ZBED6: variants seen among roughly 807,000 people sequenced by gnomAD.
ZBED6 encodes the protein zinc finger BED domain-containing protein 6.
A neutral mutation model predicts 58.4 loss-of-function variants in ZBED6; 40 were observed. The observed-to-expected ratio is 0.68, with a 90% CI of 0.53 to 0.89. The LOEUF (loss-of-function observed/expected upper bound fraction) is 0.89, where lower values mean the gene tolerates loss of function less well. Ranked by LOEUF, ZBED6 falls within the 40% of genes least tolerant of loss-of-function variation. The pLI is 0.00. For synonymous variants in ZBED6, 439 were observed against 350.6 expected (o/e 1.25, Z -2.82); for missense variants, 1,057 against 1,003.9 (o/e 1.05, Z -0.71).
chr1:203,802,129 T>C (rs1670704758), exon 1 of ZBED6: 1 of 152,648 alleles, frequency 6.6e-6, no homozygotes, highest in Non-Finnish European at 1.5e-5. Flanking sequence ...TACAGCTTGC[T>C]GCACCACTCT....
At chr1:203,849,679 A>G (rs1688801837) in intron 13 of ZBED6, 32 bp from the exon 14 acceptor site, 1 of 1,607,846 alleles carries the variant, frequency 6.2e-7, no homozygotes, top group East Asian at 2.2e-5. Context: ...GAGGTACCAG[A>G]TTTTAATTCT....
At chr1:203,800,001 G>A in exon 1 of ZBED6, 1 of 1,536,136 alleles carries the variant, frequency 6.5e-7, no homozygotes, top group Non-Finnish European at 8.7e-7. Flanking sequence ...AGTGGGAGCT[G>A]ATTCATTTAC....
intron 14 of ZBED6, 34 bp from the exon 15 acceptor site, chr1:203,850,481 T>A (rs1558147776): frequency 6.2e-7 from 1 of 1,613,116 alleles, no homozygotes; most frequent in Admixed American, 1.7e-5. Flanking sequence ...GAGTCTATTC[T>A]CACTGCTTAT....
chr1:203,832,414 G>A (rs1392475650), intron 8 of ZBED6, among the ~76,000 whole-genome samples: 2 of 151,566 alleles, frequency 1.3e-5, no homozygotes, highest in Non-Finnish European at 2.9e-5. Context: ...AGGCTAAAGT[G>A]CAATGGTGCG....
intron 8 of ZBED6, among the ~76,000 whole-genome samples, chr1:203,832,843 C>T (rs561485277): frequency 5.3e-5 from 8 of 152,312 alleles, no homozygotes; most frequent in Middle Eastern, 6.8e-3. Flanking sequence ...CAGTTTCATT[C>T]AACATATCAA....
intron 14 of ZBED6, chr1:203,850,249 T>A: frequency 3.1e-6 from 2 of 651,536 alleles, no homozygotes; most frequent in Non-Finnish European, 5.2e-6. Flanking sequence ...TAAAACTTTC[T>A]ATGGTGCATC....
Position 203,837,960 on chromosome 1 carries a change from TTA to T in ZBED6, c.*3574-3_*3574-2del. The T allele has an allele frequency of 6.2e-7, 1 of 1,607,022 alleles. No individual in the cohort carries two copies. Among genetic ancestry groups the T allele is most frequent in the East Asian group, 2.2e-5 (1 of 44,868 alleles). ...AAATCTTAAACTAAGTTCTCCCTCTTTATAGGCGGTGACAGTGATCCTCCATT... is the reference window on the plus strand; with the variant it reads ...AAATCTTAAACTAAGTTCTCCCTCTTTAGGCGGTGACAGTGATCCTCCATT... On this transcript the variant is annotated splice_region_variant and splice_polypyrimidine_tract_variant and intron_variant, in intron 9 of 16. Coordinates refer to ENST00000550078, the Ensembl canonical transcript of ZBED6.
exon 1 of ZBED6, chr1:203,801,123 T>TA (rs1166827055): frequency 6.6e-6 from 1 of 152,160 alleles, no homozygotes; most frequent in African/African-American, 2.4e-5. Flanking sequence ...TAAAATATTA[T>TA]AAAAATAGAT....
At chr1:203,837,910 C>T in intron 9 of ZBED6, 56 bp from the exon 10 acceptor site, 1 of 1,537,300 alleles carries the variant, frequency 6.5e-7, no homozygotes, top group Admixed American at 1.8e-5. Context: ...GTTTGTATTT[C>T]TTGTCCTTGC....
intron 11 of ZBED6, among the ~76,000 whole-genome samples, chr1:203,843,085 A>G (rs1264348274): frequency 2.6e-5 from 4 of 152,218 alleles, no homozygotes; most frequent in Non-Finnish European, 5.9e-5. Context: ...ATAAAAAGGG[A>G]GTCCGATGTT....
At chr1:203,851,632 T>G (rs1307970436) in intron 16 of ZBED6, among the ~76,000 whole-genome samples, 1 of 152,116 alleles carries the variant, frequency 6.6e-6, no homozygotes, top group Non-Finnish European at 1.5e-5. Context: ...GCCCGGCCCC[T>G]GAAAGATGTC....
At chr1:203,850,758 T>C (rs1689065492) in intron 15 of ZBED6, 77 bp downstream of exon 15, 2 of 1,541,966 alleles carry the variant, frequency 1.3e-6, no homozygotes, top group African/African-American at 2.7e-5. Flanking sequence ...CCACTAGCAT[T>C]CTATCTTGAG....
chr1:203,847,827 T>G, intron 12 of ZBED6, 140 bp downstream of exon 12: 1 of 1,262,534 alleles, frequency 7.9e-7, no homozygotes, highest in South Asian at 1.5e-5. Context: ...ATGAAGTTTT[T>G]CAGTAGTGCT....
At chr1:203,802,100 A>G (rs1307984295) in exon 1 of ZBED6, 4 of 152,636 alleles carry the variant, frequency 2.6e-5, no homozygotes, top group African/African-American at 9.6e-5. Flanking sequence ...TAGAATGGCT[A>G]TAATGCTGCT....
rs1158783265 is a variant in ZBED6 at position 203,796,119 on chromosome 1, G to C, written c.-1404G>C. 12 of 185,466 alleles carry C rather than the reference G, an allele frequency of 6.5e-5. No homozygotes were observed. The Admixed American group carries it at 7.9e-4, about 12-fold the overall frequency. The allele number at this position is 185,466 out of a possible 1,614,324, so 11.5% of individuals were successfully genotyped here. A position where few individuals can be genotyped will look rare whatever the true frequency, so the allele number is the denominator to read the frequency against. On this transcript the variant is annotated 5_prime_UTR_variant, in exon 1 of 17. Transcript: ENST00000550078. ...CCCACATCCGGTGTTCGCTAATCTC[G>C]AGGAGCCCGGAGCAGCCCCGAAAAC...
At chr1:203,837,583 T>C (rs1445370743) in intron 9 of ZBED6, among the ~76,000 whole-genome samples, 1 of 152,054 alleles carries the variant, frequency 6.6e-6, no homozygotes, top group Non-Finnish European at 1.5e-5. Context: ...CAAGTGATCC[T>C]TCTGCTTCAG....
At chr1:203,827,532 A>G (rs1322576295) in intron 3 of ZBED6, among the ~76,000 whole-genome samples, 2 of 152,042 alleles carry the variant, frequency 1.3e-5, no homozygotes, top group Non-Finnish European at 2.9e-5. Context: ...TACAAAAAAA[A>G]TTAGCCGAGT....
intron 8 of ZBED6, among the ~76,000 whole-genome samples, chr1:203,833,389 A>AG (rs1683102661): frequency 7.1e-6 from 1 of 140,136 alleles, no homozygotes; most frequent in Non-Finnish European, 1.5e-5. Flanking sequence ...AAAAAACACC[A>AG]GGTGTGGTAG....
At chr1:203,801,910 A>T (rs1670647615) in exon 1 of ZBED6, 1 of 152,562 alleles carries the variant, frequency 6.6e-6, no homozygotes, top group Non-Finnish European at 1.5e-5. Flanking sequence ...ACTGGAGTAA[A>T]TGTATACTTA....
Sources: gnomAD v4.1 joint callset for allele counts (sites outside exome capture counted in the v4.1 genomes callset) on GRCh38, gnomAD v4.1.1 for gene constraint, MANE v1.5 for transcripts, NCBI Gene and HGNC (gene_info 2026-07-23, HGNC 2026-07-21) for gene names.